CORIN: variants seen among roughly 807,000 people sequenced by gnomAD.
CORIN encodes the protein atrial natriuretic peptide-converting enzyme.
CORIN carries 117 observed loss-of-function variants against 125.3 expected under a neutral mutation model. That is an observed-to-expected ratio of 0.93 (90% CI 0.80 to 1.09). The LOEUF (loss-of-function observed/expected upper bound fraction) is 1.09, where lower values mean the gene tolerates loss of function less well. Among genes scored for constraint, CORIN ranks in the 50% least tolerant of loss-of-function variants. The pLI is 0.00. For missense variants in CORIN, 1,253 were observed against 1,306.7 expected, an observed-to-expected ratio of 0.96 and a Z score of 0.63; for synonymous variants, 450 against 466.4, an observed-to-expected ratio of 0.96 and a Z score of 0.45.
intron 2 of CORIN, among the ~76,000 whole-genome samples, chr4:47,795,545 T>A (rs1315205582): frequency 6.6e-6 from 1 of 151,916 alleles, no homozygotes; most frequent in African/African-American, 2.4e-5. Context: ...TTAATCCTAT[T>A]AACAAGGATT....
At chr4:47,705,268 A>G (rs148381524) in intron 5 of CORIN, among the ~76,000 whole-genome samples, 3 of 152,154 alleles carry the variant, frequency 2.0e-5, no homozygotes, top group African/African-American at 7.2e-5. Flanking sequence ...GCTACATGAA[A>G]GTTTTGCAAA....
At chr4:47,812,020 C>T (rs1209004345) in intron 1 of CORIN, among the ~76,000 whole-genome samples, 1 of 152,208 alleles carries the variant, frequency 6.6e-6, no homozygotes, top group East Asian at 1.9e-4. Context: ...GATAATCAAA[C>T]TAAAATATAA....
At chr4:47,666,354 G>A (rs776402561) in intron 10 of CORIN, among the ~76,000 whole-genome samples, 3 of 152,192 alleles carry the variant, frequency 2.0e-5, no homozygotes, top group Non-Finnish European at 4.4e-5. Context: ...ACCTAGCACA[G>A]TGCCAGAATG....
chr4:47,653,638 C>T lies in CORIN; in HGVS notation c.1758G>A (p.Lys586=). The part of the protein sequence containing the change: ...YVEECSPSHF[K]CRSGQCVLAS... ...CCAGAACACACTGTCCTGAGCGGCA[C>T]TTGAAATGACTAGGTGAGCATTCTA... The change falls in exon 13 of 22, where the codon AAG becomes AAA. Residue 586 remains lysine, a synonymous_variant. Transcript: ENST00000273857. 6.2e-7 allele frequency: 1 copy of T among 1,614,028 alleles called. No individual in the cohort carries two copies. The highest frequency in any genetic ancestry group is 8.5e-7 in the Non-Finnish European group (1 of 1,179,920).
intron 5 of CORIN, among the ~76,000 whole-genome samples, chr4:47,704,618 A>T (rs540616637): frequency 3.3e-5 from 5 of 152,162 alleles, no homozygotes; most frequent in Admixed American, 1.3e-4. Context: ...TAAAGAGGGA[A>T]CGCATTGAGC....
intron 5 of CORIN, among the ~76,000 whole-genome samples, chr4:47,733,568 G>C (rs937291606): frequency 1.3e-5 from 2 of 152,184 alleles, no homozygotes; most frequent in African/African-American, 4.8e-5. Context: ...TCATGGCAGA[G>C]AGATCTCTTC....
intron 6 of CORIN, among the ~76,000 whole-genome samples, chr4:47,687,879 A>G (rs915229726): frequency 6.6e-6 from 1 of 152,136 alleles, no homozygotes; most frequent in African/African-American, 2.4e-5. Flanking sequence ...TCTTTCTACT[A>G]TTGGCTTCCA....
chr4:47,638,762 G>T (rs1658971518), intron 16 of CORIN, among the ~76,000 whole-genome samples: 1 of 152,160 alleles, frequency 6.6e-6, no homozygotes, highest in East Asian at 1.9e-4. Context: ...TAATACAGCT[G>T]CCATGAGAAT....
At chr4:47,623,096 CTATA>C (rs1553904935) in intron 19 of CORIN, among the ~76,000 whole-genome samples, 90 of 102,286 alleles carry the variant, frequency 8.8e-4, no homozygotes, top group Non-Finnish European at 1.2e-3. Flanking sequence ...CTCTCTCTCT[CTATA>C]TATATATATA....
At chr4:47,817,296 AT>A (rs35627468) in intron 1 of CORIN, among the ~76,000 whole-genome samples, 8 of 25,264 alleles carry the variant, frequency 3.2e-4, no homozygotes, top group African/African-American at 2.3e-3. Flanking sequence ...ATATAACAAA[AT>A]ATATATATAT....
intron 5 of CORIN, among the ~76,000 whole-genome samples, chr4:47,728,014 G>A (rs1304851249): frequency 6.6e-6 from 1 of 152,126 alleles, no homozygotes; most frequent in South Asian, 2.1e-4. Flanking sequence ...GTTTAAATGT[G>A]TGCAGGGTTT....
At chr4:47,765,498 G>C (rs1729691154) in intron 3 of CORIN, among the ~76,000 whole-genome samples, 1 of 152,126 alleles carries the variant, frequency 6.6e-6, no homozygotes, top group African/African-American at 2.4e-5. Context: ...TAAGTAACCT[G>C]TACATATGCC....
At chr4:47,809,918 G>C (rs1277139167) in intron 1 of CORIN, among the ~76,000 whole-genome samples, 1 of 152,144 alleles carries the variant, frequency 6.6e-6, no homozygotes, top group Non-Finnish European at 1.5e-5. Flanking sequence ...GTAAATGCCA[G>C]GTGAAATAAA....
At chr4:47,623,096 C>CTCTCTATATATATATATATA (rs771867590) in intron 19 of CORIN, among the ~76,000 whole-genome samples, 2 of 102,298 alleles carry the variant, frequency 2.0e-5, no homozygotes, top group Non-Finnish European at 3.6e-5. Flanking sequence ...CTCTCTCTCT[C>CTCTCTATATATATATATATA]TATATATATA....
Position 47,693,000 on chromosome 4 carries a change from A to G in CORIN, c.883T>C (p.Cys295Arg), listed in dbSNP as rs147954639. The G allele has an allele frequency of 2.0e-5, 33 of 1,613,822 alleles. No individual in the cohort carries two copies. In the African/African-American group the frequency reaches 3.9e-4, roughly 19 times the overall value. ...TGAGCCTCGTCACTCCAGTCGTCACAGTCGTTGTAGCCATTACATTGCAGT... is the reference window on the plus strand; with the variant it reads ...TGAGCCTCGTCACTCCAGTCGTCACGGTCGTTGTAGCCATTACATTGCAGT... ...GKLQCNGYND[C>R]DDWSDEAHCN... Residue 295 changes from cysteine to arginine, a missense_variant, in exon 6 of 22, where the codon TGT becomes CGT. Transcript: ENST00000273857.
intron 5 of CORIN, among the ~76,000 whole-genome samples, chr4:47,727,828 C>A (rs1727669791): frequency 2.0e-5 from 3 of 151,992 alleles, no homozygotes; most frequent in African/African-American, 7.2e-5. Flanking sequence ...TCTTTAAATT[C>A]TATTATCTGA....
chr4:47,640,828 C>T (rs1468559482), intron 16 of CORIN, among the ~76,000 whole-genome samples: 1 of 151,982 alleles, frequency 6.6e-6, no homozygotes, highest in African/African-American at 2.4e-5. Flanking sequence ...AAGGTTTTAT[C>T]GAGAAGAAAA....
chr4:47,834,254 G>A (rs1179060937), intron 1 of CORIN, among the ~76,000 whole-genome samples: 1 of 152,104 alleles, frequency 6.6e-6, no homozygotes. Context: ...TATACATACA[G>A]TACAATATTA....
intron 3 of CORIN, among the ~76,000 whole-genome samples, chr4:47,768,226 C>T (rs548663548): frequency 6.6e-6 from 1 of 152,176 alleles, no homozygotes; most frequent in Non-Finnish European, 1.5e-5. Flanking sequence ...CGCTAACTCT[C>T]TTTTCGGACT....
Sources: gnomAD v4.1 joint callset for allele counts (sites outside exome capture counted in the v4.1 genomes callset) on GRCh38, gnomAD v4.1.1 for gene constraint, MANE v1.5 for transcripts, NCBI Gene and HGNC (gene_info 2026-07-23, HGNC 2026-07-21) for gene names.